The following PALM2AKAP2 variants were observed in gnomAD, a reference collection of about 807,000 sequenced individuals.
PALM2AKAP2 encodes the protein PALM2-AKAP2 fusion protein.
PALM2AKAP2 carries 37 observed loss-of-function variants against 71.5 expected under a neutral mutation model. That is an observed-to-expected ratio of 0.52 (90% CI 0.40 to 0.68). The LOEUF (loss-of-function observed/expected upper bound fraction) is 0.68, where lower values mean the gene tolerates loss of function less well. Among genes scored for constraint, PALM2AKAP2 ranks in the 30% least tolerant of loss-of-function variants. The pLI is 0.00. For synonymous variants in PALM2AKAP2, 468 were observed against 478.8 expected (o/e 0.98, Z 0.29); for missense variants, 1,224 against 1,191.8 (o/e 1.03, Z -0.40).
intron 1 of PALM2AKAP2, among the ~76,000 whole-genome samples, chr9:109,786,689 C>G (rs1004986126): frequency 6.6e-6 from 1 of 152,140 alleles, no homozygotes; most frequent in Non-Finnish European, 1.5e-5. Flanking sequence ...TCACACACCT[C>G]CCTGCTACTT....
chr9:109,690,892 C>T (rs953270230), intron 1 of PALM2AKAP2, among the ~76,000 whole-genome samples: 2 of 152,062 alleles, frequency 1.3e-5, no homozygotes, highest in Non-Finnish European at 2.9e-5. Context: ...TGATATGTCT[C>T]CTAACTTCAG....
At chr9:110,148,797 T>C (rs946300410) in intron 2 of PALM2AKAP2, 12 of 152,238 alleles carry the variant, frequency 7.9e-5, no homozygotes, top group African/African-American at 2.9e-4. Context: ...AAAGGCTCTT[T>C]GATTTAAGAC....
intron 1 of PALM2AKAP2, among the ~76,000 whole-genome samples, chr9:110,055,033 C>G (rs1437699056): frequency 6.6e-6 from 1 of 152,166 alleles, no homozygotes; most frequent in East Asian, 1.9e-4. Context: ...GCCATTCTCA[C>G]CCCTGAAGCA....
chr9:110,100,303 A>G (rs1834966221), intron 1 of PALM2AKAP2, among the ~76,000 whole-genome samples: 1 of 152,064 alleles, frequency 6.6e-6, no homozygotes, highest in Non-Finnish European at 1.5e-5. Context: ...CACGTGCAGC[A>G]ACCCCCTGCA....
At chr9:109,826,837 C>A (rs951019891) in intron 1 of PALM2AKAP2, among the ~76,000 whole-genome samples, 1 of 152,162 alleles carries the variant, frequency 6.6e-6, no homozygotes. Flanking sequence ...CCCTTCACTT[C>A]TTTTGTAAAC....
At position 110,069,505 on chromosome 9, in the gene PALM2AKAP2, A is replaced by T. The variant is rs1834159402; in HGVS notation, c.156+20650A>T. Among the ~76,000 whole-genome samples the T allele has an allele frequency of 2.0e-5, 3 of 152,312 alleles. No homozygotes were observed. The South Asian group carries it at 6.2e-4, about 32-fold the overall frequency. On this transcript the variant is annotated intron_variant, in intron 1 of 3. Coordinates refer to ENST00000374525, the Ensembl canonical transcript of PALM2AKAP2. Reference sequence around the variant, plus strand: ...ATTCTTGTGGCTTGTTAATGTGGTTAATTGAAACCCTTCCATATTCTTGAT... The same window carrying T: ...ATTCTTGTGGCTTGTTAATGTGGTTTATTGAAACCCTTCCATATTCTTGAT...
At chr9:109,895,421 A>G (rs1587991427) in intron 3 of PALM2AKAP2, among the ~76,000 whole-genome samples, 1 of 152,248 alleles carries the variant, frequency 6.6e-6, no homozygotes, top group Non-Finnish European at 1.5e-5. Context: ...ATCTGTAAAT[A>G]GGAACGACAA....
chr9:110,128,795 C>G (rs542542157), intron 1 of PALM2AKAP2, among the ~76,000 whole-genome samples: 66 of 152,224 alleles, frequency 4.3e-4, no homozygotes, highest in Non-Finnish European at 8.1e-4. Flanking sequence ...TGCTCTCCGC[C>G]TGGGCTCAGG....
intron 1 of PALM2AKAP2, among the ~76,000 whole-genome samples, chr9:109,704,288 C>G (rs1023122474): frequency 2.0e-5 from 3 of 152,208 alleles, no homozygotes; most frequent in African/African-American, 4.8e-5. Context: ...AAATTTCCCC[C>G]CTTTTTAGCC....
At chr9:109,928,670 G>GCT (rs1256696028) in intron 5 of PALM2AKAP2, among the ~76,000 whole-genome samples, 1 of 144,234 alleles carries the variant, frequency 6.9e-6, no homozygotes, top group Admixed American at 7.2e-5. Context: ...TCTTTCTCTC[G>GCT]CTCTCTTTTT....
intron 2 of PALM2AKAP2, among the ~76,000 whole-genome samples, chr9:110,150,897 A>G (rs750309683): frequency 6.6e-6 from 1 of 152,218 alleles, no homozygotes; most frequent in Non-Finnish European, 1.5e-5. Flanking sequence ...TCATGACCTT[A>G]ACCATTCCTC....
intron 6 of PALM2AKAP2, among the ~76,000 whole-genome samples, chr9:109,983,892 A>G (rs529208871): frequency 1.3e-5 from 2 of 152,144 alleles, no homozygotes; most frequent in Non-Finnish European, 2.9e-5. Context: ...AAAAGAAAAA[A>G]AAATTGTGAG....
chr9:109,787,497 T>C (rs1217372760), intron 1 of PALM2AKAP2, among the ~76,000 whole-genome samples: 1 of 152,202 alleles, frequency 6.6e-6, no homozygotes, highest in Non-Finnish European at 1.5e-5. Flanking sequence ...GAAGATAGTA[T>C]TAATAATAAA....
intron 1 of PALM2AKAP2, among the ~76,000 whole-genome samples, chr9:110,091,403 GGTGTGTGT>G (rs71373965): frequency 1.4e-5 from 2 of 144,846 alleles, no homozygotes; most frequent in African/African-American, 5.2e-5. Flanking sequence ...TGGTGGTTGG[GGTGTGTGT>G]GTGTGTGTGT....
chr9:109,879,493 A>G (rs183427399), intron 2 of PALM2AKAP2, among the ~76,000 whole-genome samples: 18 of 152,296 alleles, frequency 1.2e-4, no homozygotes, highest in Non-Finnish European at 2.4e-4. Context: ...TAGGGACCAT[A>G]TAAGTGGAAC....
chr9:110,106,326 T>C (rs2118906233), intron 1 of PALM2AKAP2, among the ~76,000 whole-genome samples: 1 of 152,048 alleles, frequency 6.6e-6, no homozygotes, highest in South Asian at 2.1e-4. Context: ...AATCAGAGAG[T>C]TGGGTCCAGA....
At chr9:109,761,950 T>C (rs993339393) in intron 1 of PALM2AKAP2, among the ~76,000 whole-genome samples, 1 of 152,202 alleles carries the variant, frequency 6.6e-6, no homozygotes, top group African/African-American at 2.4e-5. Flanking sequence ...TCATCATCAC[T>C]GGTCATTAGA....
At chr9:109,993,184 T>TAAAAAAA (rs3063883) in intron 6 of PALM2AKAP2, among the ~76,000 whole-genome samples, 1 of 138,808 alleles carries the variant, frequency 7.2e-6, no homozygotes, top group African/African-American at 2.7e-5. Flanking sequence ...CAAAGTGCCT[T>TAAAAAAA]AAAAAAAAAA....
chr9:109,663,111 C>A (rs981000199), intron 1 of PALM2AKAP2, among the ~76,000 whole-genome samples: 2 of 151,956 alleles, frequency 1.3e-5, no homozygotes, highest in African/African-American at 4.8e-5. Context: ...TAGCGGTCTA[C>A]CAATTTTGTT....
Sources: allele counts gnomAD v4.1 joint callset (sites outside exome capture counted in the v4.1 genomes callset), GRCh38; gene constraint gnomAD v4.1.1; transcripts MANE v1.5; gene names NCBI Gene and HGNC (gene_info 2026-07-23, HGNC 2026-07-21).